MMS22L: variants seen among roughly 807,000 people sequenced by gnomAD.
MMS22L encodes the protein protein MMS22-like.
In MMS22L, 74 loss-of-function variants were observed where a neutral mutation model predicts 159.1. The observed-to-expected ratio is 0.47, with a 90% CI of 0.39 to 0.56. The LOEUF is 0.56. MMS22L is among the 20% of genes least tolerant of loss of function. MMS22L has a pLI of 0.00. For synonymous variants in MMS22L, 517 were observed against 506.9 expected, an observed-to-expected ratio of 1.02 and a Z score of -0.27; for missense variants, 1,351 against 1,422.1, an observed-to-expected ratio of 0.95 and a Z score of 0.80.
At chr6:97,214,681 TTTTG>T (rs1029285206) in intron 14 of MMS22L, among the ~76,000 whole-genome samples, 3 of 90,450 alleles carry the variant, frequency 3.3e-5, no homozygotes, top group African/African-American at 1.1e-4. Context: ...TTACTATTTT[TTTTG>T]TTTTTTTTTT....
chr6:97,278,754 T>C, intron 4 of MMS22L, 95 bp downstream of exon 4: 1 of 974,148 alleles, frequency 1.0e-6, no homozygotes, highest in Non-Finnish European at 1.5e-6. Context: ...TCCTCTGTAT[T>C]ATCATGATAT....
At chr6:97,214,205 A>G (rs1433128085) in intron 14 of MMS22L, among the ~76,000 whole-genome samples, 1 of 152,228 alleles carries the variant, frequency 6.6e-6, no homozygotes, top group Non-Finnish European at 1.5e-5. Context: ...CACAATTTGT[A>G]CAATACCCAA....
At chr6:97,163,618 T>C (rs1286770316) in intron 21 of MMS22L, among the ~76,000 whole-genome samples, 1 of 152,086 alleles carries the variant, frequency 6.6e-6, no homozygotes, top group Non-Finnish European at 1.5e-5. Context: ...TTATGCAATA[T>C]CTCAAACACT....
intron 11 of MMS22L, among the ~76,000 whole-genome samples, chr6:97,238,193 C>T (rs999614395): frequency 2.0e-5 from 3 of 152,100 alleles, no homozygotes; most frequent in African/African-American, 4.8e-5. Flanking sequence ...ACACGACTGT[C>T]GTAAGTATTA....
chr6:97,228,922 A>G lies in MMS22L; in HGVS notation c.2011T>C (p.Phe671Leu). 2 of 1,613,424 alleles carry G rather than the reference A, an allele frequency of 1.2e-6. No homozygotes were observed. The highest frequency in any genetic ancestry group is 1.7e-6 in the Non-Finnish European group (2 of 1,179,596). Residue 671 changes from phenylalanine (F) to leucine (L), a missense_variant, in exon 14 of 25, where the codon TTC (phenylalanine) becomes CTC (leucine). Physicochemically the swap from Phe to Leu is conservative, Grantham distance 22. Transcript: ENST00000683635. ...ATTCTGGCCAGAACAGCTTGTAGGA[A>G]GCTCAATACTGTCCTAAGTTCAGAT... The part of the protein sequence containing the change: ...RESELRTVLS[F>L]LQAVLARIRS...
intron 14 of MMS22L, among the ~76,000 whole-genome samples, chr6:97,225,568 C>G (rs1810141532): frequency 6.7e-6 from 1 of 150,314 alleles, no homozygotes; most frequent in African/African-American, 2.5e-5. Context: ...AGGCTGGTCT[C>G]GAAGTTTTTT....
rs115987403 is a variant in MMS22L, at chr6:97,179,976, G to A, written c.2385-417C>T. ...AGTAAACAGAGAAGTAGTCATGAAC[G>A]TATGCTCTCTCACTATACGGAGAGT... On this transcript the variant is annotated intron_variant, in intron 16 of 24. Coordinates refer to ENST00000683635, the MANE Select transcript of MMS22L (RefSeq NM_001350599.2). 7.8e-3 allele frequency among the ~76,000 whole-genome samples: 1,189 copies of A among 152,296 alleles called. 16 individuals are homozygous for A. Among genetic ancestry groups the A allele is most frequent in the African/African-American group, 0.028 (1,147 of 41,554 alleles).
chr6:97,146,669 A>C lies in MMS22L; in HGVS notation c.*137T>G. ...TTCCTTATTTATACATTTTTTACTTACAGATATAAAAGGAAAAAAAATCCT... is the reference window on the plus strand; with the variant it reads ...TTCCTTATTTATACATTTTTTACTTCCAGATATAAAAGGAAAAAAAATCCT... On this transcript the variant is annotated 3_prime_UTR_variant, in exon 25 of 25. Transcript: ENST00000683635. The C allele has an allele frequency of 2.0e-6, 1 of 512,452 alleles. No individual in the cohort carries two copies. Among genetic ancestry groups the C allele is most frequent in the South Asian group, 4.2e-5 (1 of 23,882 alleles). 31.7% of individuals were successfully genotyped at this position (512,452 alleles called of 1,614,324 possible). A position where few individuals can be genotyped will look rare whatever the true frequency, so the allele number is the denominator to read the frequency against.
intron 14 of MMS22L, among the ~76,000 whole-genome samples, chr6:97,222,179 A>G (rs1809727455): frequency 6.6e-6 from 1 of 152,086 alleles, no homozygotes; most frequent in Non-Finnish European, 1.5e-5. Flanking sequence ...CAATAAAACT[A>G]CTGAGCATAA....
At chr6:97,191,357 C>T (rs950771325) in intron 14 of MMS22L, among the ~76,000 whole-genome samples, 1 of 152,146 alleles carries the variant, frequency 6.6e-6, no homozygotes, top group Non-Finnish European at 1.5e-5. Context: ...TCTCCTATAA[C>T]TGTTATAGAA....
rs1554253274 is a variant in MMS22L, at chr6:97,145,024, C to CCCCA, written c.*1781_*1782insTGGG. On this transcript the variant is annotated 3_prime_UTR_variant, in exon 25 of 25. Transcript: ENST00000683635. ...TCAATCTCCTTTGGAAAAAAAAAAC[C>CCCCA]CACACACACACACACACACACACAC... 0.011 allele frequency: 771 copies of CCCCA among 67,564 alleles called. 19 individuals carry two copies. The highest frequency in any genetic ancestry group is 0.038 in the East Asian group (143 of 3,806). 4.2% of individuals were successfully genotyped at this position (67,564 alleles called of 1,614,324 possible).
At chr6:97,211,305 T>C (rs1262801075) in intron 14 of MMS22L, among the ~76,000 whole-genome samples, 2 of 152,062 alleles carry the variant, frequency 1.3e-5, no homozygotes, top group Non-Finnish European at 2.9e-5. Flanking sequence ...ATTTGCAACA[T>C]ACGTAATGTA....
At chr6:97,219,908 T>C (rs1269946684) in intron 14 of MMS22L, among the ~76,000 whole-genome samples, 1 of 152,206 alleles carries the variant, frequency 6.6e-6, no homozygotes, top group Non-Finnish European at 1.5e-5. Flanking sequence ...ACACTTTCCA[T>C]TCTCCTCAAA....
rs754506446 is a variant in MMS22L at position 97,281,353 on chromosome 6, C to A, written c.174G>T (p.Leu58Phe). 2 of 1,595,702 alleles carry A rather than the reference C, an allele frequency of 1.3e-6. No homozygotes were observed. Among genetic ancestry groups the A allele is most frequent in the East Asian group, 4.5e-5 (2 of 44,600 alleles). Residue 58 changes from leucine to phenylalanine, a missense_variant, in exon 3 of 25, where the codon TTG becomes TTT. Physicochemically the swap from Leu to Phe is conservative, Grantham distance 22. Coordinates refer to ENST00000683635, the MANE Select transcript of MMS22L (RefSeq NM_001350599.2). ...AATTAGTTGGTAAAGGGTCAAGATT[C>A]AAAATCAATCTGAAATGAAAATTGT... ...LCSGALKRLI[L>F]NLDPLPTNFE...
At chr6:97,280,079 C>G (rs183723019) in intron 3 of MMS22L, among the ~76,000 whole-genome samples, 2 of 152,248 alleles carry the variant, frequency 1.3e-5, no homozygotes, top group South Asian at 4.1e-4. Context: ...CAGAGGATCA[C>G]TCACTGAGCC....
intron 14 of MMS22L, among the ~76,000 whole-genome samples, chr6:97,208,151 C>T (rs1379320137): frequency 6.6e-6 from 1 of 152,086 alleles, no homozygotes; most frequent in East Asian, 1.9e-4. Context: ...TTCCTTTATT[C>T]CCTTTATCAC....
intron 14 of MMS22L, among the ~76,000 whole-genome samples, chr6:97,189,459 G>A (rs1312628201): frequency 6.7e-6 from 1 of 148,556 alleles, no homozygotes; most frequent in East Asian, 2.0e-4. Flanking sequence ...TTCTTGGGAG[G>A]CTTAGGCTGG....
At chr6:97,202,540 T>A (rs780506879) in intron 14 of MMS22L, among the ~76,000 whole-genome samples, 3 of 152,184 alleles carry the variant, frequency 2.0e-5, no homozygotes, top group Admixed American at 2.0e-4. Context: ...ATTAACTCAG[T>A]ACTACTTTCT....
rs1562485775 is a variant in MMS22L at position 97,231,419 on chromosome 6, C to CAT, written c.1529+5_1529+6dup. On this transcript the variant is annotated splice_region_variant and intron_variant, in intron 13 of 24. Transcript: ENST00000683635. ...TGCACACTCATGACAGAAGATACTG[C>CAT]ATATACCTTCCTTTGACTTGTTTCC... The CAT allele has an allele frequency of 6.3e-7, 1 of 1,594,208 alleles. No homozygotes were observed. The highest frequency in any genetic ancestry group is 1.7e-5 in the Admixed American group (1 of 59,828).
Sources: gnomAD v4.1 joint callset for allele counts (sites outside exome capture counted in the v4.1 genomes callset) on GRCh38, gnomAD v4.1.1 for gene constraint, MANE v1.5 for transcripts, NCBI Gene and HGNC (gene_info 2026-07-23, HGNC 2026-07-21) for gene names.